Variants in SYK observed in about 807,000 individuals in gnomAD.
SYK encodes spleen associated tyrosine kinase.
SYK carries 16 observed loss-of-function variants against 77.8 expected under a neutral mutation model. That is an observed-to-expected ratio of 0.21 (90% CI 0.14 to 0.31). The LOEUF (loss-of-function observed/expected upper bound fraction) is 0.31, where lower values mean the gene tolerates loss of function less well. Among genes scored for constraint, SYK ranks in the 10% least tolerant of loss-of-function variants. SYK has a pLI of 1.00. For synonymous variants in SYK, 312 were observed against 308.7 expected (o/e 1.01, Z -0.11); for missense variants, 529 against 814.4 (o/e 0.65, Z 4.26).
rs1170902146 is a variant in SYK at position 90,898,269 on chromosome 9, A to G, written c.*2669A>G. On this transcript the variant is annotated 3_prime_UTR_variant, in exon 14 of 14. Transcript: ENST00000375754. ...TTCAGTGGTGAAAATCGTTGCATGC[A>G]TGTTTTCATCTGAGCGTGTCCTTCT... 4.3e-6 allele frequency: 1 copy of G among 230,696 alleles called. No individual in the cohort carries two copies. The highest frequency in any genetic ancestry group is 8.6e-6 in the Non-Finnish European group (1 of 116,488). 14.3% of individuals were successfully genotyped at this position (230,696 alleles called of 1,614,324 possible).
In SYK at chr9:90,885,288, A is replaced by C. The variant is rs1419748222; in HGVS notation, c.1582-2461A>C. 2.6e-5 allele frequency among the ~76,000 whole-genome samples: 4 copies of C among 152,248 alleles called. No individual in the cohort carries two copies. The East Asian group carries it at 7.7e-4, about 29-fold the overall frequency. On this transcript the variant is annotated intron_variant, in intron 11 of 13. Transcript: ENST00000375754. ...AAAACAATAGAGAGAATTCAGAAAA[A>C]CAGTTCAGGATATGAATGAGAAATT...
chr9:90,828,553 G>A (rs1022654994), intron 1 of SYK, among the ~76,000 whole-genome samples: 1 of 152,058 alleles, frequency 6.6e-6, no homozygotes, highest in African/African-American at 2.4e-5. Context: ...GCCCCACACC[G>A]CTGGCTGCAA....
chr9:90,882,806 G>C (rs1828209289), intron 11 of SYK, among the ~76,000 whole-genome samples: 1 of 152,196 alleles, frequency 6.6e-6, no homozygotes, highest in Admixed American at 6.5e-5. Flanking sequence ...AAAGCACAGG[G>C]AAACAAGGCA....
At chr9:90,892,959 C>A (rs1271189093) in intron 13 of SYK, among the ~76,000 whole-genome samples, 1 of 152,212 alleles carries the variant, frequency 6.6e-6, no homozygotes, top group Non-Finnish European at 1.5e-5. Context: ...CCCTGCACAA[C>A]CTCAGCTCCA....
chr9:90,823,324 C>A (rs1478386369), intron 1 of SYK, among the ~76,000 whole-genome samples: 1 of 152,160 alleles, frequency 6.6e-6, no homozygotes, highest in East Asian at 1.9e-4. Flanking sequence ...AGATTTTAAT[C>A]TCTTTCTCAC....
intron 6 of SYK, 140 bp from the exon 7 acceptor site, chr9:90,866,991 C>T (rs1478244577): frequency 3.4e-5 from 27 of 783,368 alleles, no homozygotes; most frequent in Non-Finnish European, 4.9e-5. Context: ...AGGTGTTGCC[C>T]GTGGTCGATC....
intron 1 of SYK, among the ~76,000 whole-genome samples, chr9:90,817,338 A>G (rs1423932453): frequency 6.6e-6 from 1 of 152,048 alleles, no homozygotes; most frequent in Non-Finnish European, 1.5e-5. Context: ...CATTAATTTT[A>G]TATATTTTAG....
At chr9:90,837,161 G>C (rs557393403) in intron 1 of SYK, among the ~76,000 whole-genome samples, 10 of 152,130 alleles carry the variant, frequency 6.6e-5, no homozygotes, top group African/African-American at 2.2e-4. Flanking sequence ...CTACAGGGTG[G>C]GTGGTCAGCA....
chr9:90,842,575 T>C (rs1412800473), intron 1 of SYK, among the ~76,000 whole-genome samples: 1 of 151,362 alleles, frequency 6.6e-6, no homozygotes, highest in Admixed American at 6.6e-5. Flanking sequence ...GTGTGTAGCA[T>C]GTATGTAGTG....
intron 1 of SYK, among the ~76,000 whole-genome samples, chr9:90,821,991 C>T (rs1825535629): frequency 6.6e-6 from 1 of 152,102 alleles, no homozygotes; most frequent in Non-Finnish European, 1.5e-5. Context: ...TACACAGAAA[C>T]ACATAAAACA....
At chr9:90,876,486 G>A (rs1420593179) in intron 9 of SYK, among the ~76,000 whole-genome samples, 1 of 151,972 alleles carries the variant, frequency 6.6e-6, no homozygotes, top group Non-Finnish European at 1.5e-5. Flanking sequence ...ATCAAAATTG[G>A]CTGTGATACT....
intron 1 of SYK, among the ~76,000 whole-genome samples, chr9:90,822,333 G>A (rs926059648): frequency 6.6e-6 from 1 of 152,108 alleles, no homozygotes; most frequent in Non-Finnish European, 1.5e-5. Flanking sequence ...TGATGTGACT[G>A]GCACTGTTTT....
intron 10 of SYK, 43 bp downstream of exon 10, chr9:90,877,823 G>A (rs759480404): frequency 1.2e-6 from 2 of 1,608,420 alleles, no homozygotes; most frequent in Middle Eastern, 2.0e-4. Context: ...TATCCCCTAA[G>A]GGACAGGGCC....
intron 12 of SYK, among the ~76,000 whole-genome samples, chr9:90,888,161 C>A (rs1828649492): frequency 6.6e-6 from 1 of 152,074 alleles, no homozygotes; most frequent in Admixed American, 6.5e-5. Context: ...GAAATAATGA[C>A]TATTTACAGT....
At chr9:90,826,806 G>A (rs1452116664) in intron 1 of SYK, among the ~76,000 whole-genome samples, 1 of 152,174 alleles carries the variant, frequency 6.6e-6, no homozygotes, top group African/African-American at 2.4e-5. Flanking sequence ...AGTACCCTGA[G>A]GGAGCTGGTC....
intron 11 of SYK, among the ~76,000 whole-genome samples, chr9:90,884,331 G>GTA (rs1238924094): frequency 7.4e-6 from 1 of 135,822 alleles, no homozygotes; most frequent in Non-Finnish European, 1.6e-5. Flanking sequence ...ACACATACGT[G>GTA]TATATATACA....
At chr9:90,853,635 A>G (rs532634710) in intron 3 of SYK, among the ~76,000 whole-genome samples, 79 of 151,856 alleles carry the variant, frequency 5.2e-4, no homozygotes, top group African/African-American at 1.8e-3. Flanking sequence ...AAAAACAAAC[A>G]CCGCATGTTC....
chr9:90,879,656 G>A (rs1046556755), intron 11 of SYK, among the ~76,000 whole-genome samples: 5 of 152,226 alleles, frequency 3.3e-5, no homozygotes, highest in Non-Finnish European at 5.9e-5. Flanking sequence ...GAGTTGAAGT[G>A]TCAAAAAATA....
chr9:90,893,246 G>A (rs78668476), intron 13 of SYK, among the ~76,000 whole-genome samples: 5 of 152,214 alleles, frequency 3.3e-5, no homozygotes, highest in South Asian at 2.1e-4. Context: ...AGGATATCAC[G>A]TGTATATATG....
Sources: allele counts gnomAD v4.1 joint callset (sites outside exome capture counted in the v4.1 genomes callset), GRCh38; gene constraint gnomAD v4.1.1; transcripts MANE v1.5; gene names NCBI Gene and HGNC (gene_info 2026-07-23, HGNC 2026-07-21).